The following LMBR1 variants were observed in gnomAD, a reference collection of about 807,000 sequenced individuals.
LMBR1 encodes the protein limb development membrane protein 1, also known as limb region 1 protein homolog.
In LMBR1, 52 loss-of-function variants were observed where a neutral mutation model predicts 73.9. The observed-to-expected ratio is 0.70, with a 90% confidence interval of 0.56 to 0.89. The LOEUF (loss-of-function observed/expected upper bound fraction) is 0.89, where lower values mean the gene tolerates loss of function less well. Ranked by LOEUF, LMBR1 falls within the 40% of genes least tolerant of loss-of-function variation. The probability of loss-of-function intolerance (pLI) is 0.00; values close to 1 mark genes in which losing one functional copy is unlikely to be tolerated. For missense variants in LMBR1, 539 were observed against 579.8 expected (o/e 0.93, Z 0.72); for synonymous variants, 215 against 209.4 (o/e 1.03, Z -0.23).
At chr7:156,845,728 C>A (rs1021265006) in intron 1 of LMBR1, among the ~76,000 whole-genome samples, 4 of 151,948 alleles carry the variant, frequency 2.6e-5, no homozygotes, top group Admixed American at 2.0e-4. Flanking sequence ...CAGTTTACTG[C>A]AGCCTTGAAC....
intron 5 of LMBR1, among the ~76,000 whole-genome samples, chr7:156,779,313 A>C (rs1219234780): frequency 6.6e-6 from 1 of 152,206 alleles, no homozygotes; most frequent in African/African-American, 2.4e-5. Context: ...ATTGCAGTAT[A>C]ATAAGCAGTC....
intron 1 of LMBR1, among the ~76,000 whole-genome samples, chr7:156,875,157 C>G (rs913696624): frequency 6.6e-6 from 1 of 152,148 alleles, no homozygotes; most frequent in African/African-American, 2.4e-5. Context: ...GCAAAATTTT[C>G]TGGAAAGTCT....
At chr7:156,844,998 AT>A (rs1839366283) in intron 1 of LMBR1, among the ~76,000 whole-genome samples, 1 of 152,224 alleles carries the variant, frequency 6.6e-6, no homozygotes, top group South Asian at 2.1e-4. Context: ...CCAGCCTTTC[AT>A]TTAAGGCCTA....
At chr7:156,806,584 G>GT (rs1340797641) in intron 4 of LMBR1, among the ~76,000 whole-genome samples, 33 of 125,924 alleles carry the variant, frequency 2.6e-4, no homozygotes, top group Non-Finnish European at 6.6e-5. Context: ...TTATCAGTAG[G>GT]TTTTTTGTAG....
chr7:156,748,816 C>T (rs1184350761), intron 9 of LMBR1, among the ~76,000 whole-genome samples: 1 of 152,018 alleles, frequency 6.6e-6, no homozygotes, highest in Non-Finnish European at 1.5e-5. Flanking sequence ...TAGAATAACT[C>T]TCTCTATATA....
rs1837725352 is a variant in LMBR1 at position 156,836,873 on chromosome 7, G to C, written c.79C>G (p.Leu27Val). The change falls in exon 2 of 17, where the codon CTT becomes GTT. Residue 27 changes from leucine (L) to valine (V), a missense_variant. Physicochemically the swap from Leu to Val is conservative, Grantham distance 32. This residue lies in a region of LMBR1 where 454 missense variants were observed against 473.4 expected (regional missense o/e 0.96). Coordinates refer to ENST00000353442, the MANE Select transcript of LMBR1 (RefSeq NM_022458.4). ...QVRESTICFL[L>V]FAILYVVSYF... ...GAAACAACGTAGAGAATGGCAAAAA[G>C]AAGGAAACATATCTGAAACAAAACG... is the stretch of plus-strand genomic sequence containing the variant. 1.3e-6 allele frequency: 2 copies of C among 1,574,578 alleles called. No homozygotes were observed. The highest frequency in any genetic ancestry group is 2.3e-5 in the East Asian group (1 of 43,700).
chr7:156,782,416 C>T (rs983064127), intron 5 of LMBR1, among the ~76,000 whole-genome samples: 2 of 152,150 alleles, frequency 1.3e-5, no homozygotes, highest in Admixed American at 6.5e-5. Context: ...CCAGCTCTTC[C>T]GTTTTACCTT....
At chr7:156,688,220 A>T (rs1228515652) in intron 15 of LMBR1, 29 bp from the exon 16 acceptor site, 3 of 1,524,396 alleles carry the variant, frequency 2.0e-6, no homozygotes, top group South Asian at 1.2e-5. Context: ...ATAGCCCTTA[A>T]TGAAATCAGG....
chr7:156,893,125 G>C lies in LMBR1; in HGVS notation c.-132C>G. 2 of 879,896 alleles carry C rather than the reference G, an allele frequency of 2.3e-6. No individual in the cohort carries two copies. Among genetic ancestry groups the C allele is most frequent in the Non-Finnish European group, 3.1e-6 (2 of 654,084 alleles). 54.5% of individuals were successfully genotyped at this position (879,896 alleles called of 1,614,324 possible). A position where few individuals can be genotyped will look rare whatever the true frequency, so the allele number is the denominator to read the frequency against. ...CGGGCCCGCGAGCCGTGTTGGAACA[G>C]GTACCGCGACCACGACACCGGCCGT... is the stretch of plus-strand genomic sequence containing the variant. On this transcript the variant is annotated 5_prime_UTR_variant, in exon 1 of 17. Coordinates refer to ENST00000353442, the MANE Select transcript of LMBR1 (RefSeq NM_022458.4).
At chr7:156,786,399 T>A (rs1051580518) in intron 5 of LMBR1, among the ~76,000 whole-genome samples, 1 of 152,094 alleles carries the variant, frequency 6.6e-6, no homozygotes. Context: ...TAAGAAATCA[T>A]AGGTAAGGGT....
chr7:156,858,663 C>T (rs1219191053), intron 1 of LMBR1, among the ~76,000 whole-genome samples: 2 of 152,006 alleles, frequency 1.3e-5, no homozygotes, highest in Non-Finnish European at 2.9e-5. Flanking sequence ...AGTTCCTCAA[C>T]AAAATATCAG....
chr7:156,780,581 T>G (rs1826957935), intron 5 of LMBR1, among the ~76,000 whole-genome samples: 1 of 152,238 alleles, frequency 6.6e-6, no homozygotes, highest in South Asian at 2.1e-4. Context: ...TAAGGCTCTT[T>G]TCTTCTATTT....
chr7:156,850,446 C>T (rs1796080458), intron 1 of LMBR1, among the ~76,000 whole-genome samples: 2 of 152,200 alleles, frequency 1.3e-5, no homozygotes, highest in South Asian at 4.1e-4. Flanking sequence ...CTATATTCCT[C>T]CCACCCTGCT....
Position 156,845,119 on chromosome 7 carries a change from G to C in LMBR1, c.67-8234C>G, listed in dbSNP as rs141756352. On this transcript the variant is annotated intron_variant, in intron 1 of 16. Coordinates refer to ENST00000353442, the MANE Select transcript of LMBR1 (RefSeq NM_022458.4). Reference sequence around the variant, plus strand: ...CACATTTCTAACAAAACCCATGATGGATATACCAATTGCCCTGATTATTTG... The same window carrying C: ...CACATTTCTAACAAAACCCATGATGCATATACCAATTGCCCTGATTATTTG... Among the ~76,000 whole-genome samples, 354 of 152,126 alleles carry C rather than the reference G, an allele frequency of 2.3e-3. 1 individual carries two copies. Among genetic ancestry groups the C allele is most frequent in the Non-Finnish European group, 3.8e-3 (257 of 68,010 alleles).
intron 1 of LMBR1, among the ~76,000 whole-genome samples, chr7:156,876,192 T>C (rs983169740): frequency 1.3e-5 from 2 of 152,092 alleles, no homozygotes; most frequent in African/African-American, 4.8e-5. Context: ...CAAAACAGAC[T>C]TCAAAGCAAG....
At chr7:156,814,492 G>C (rs1423467116) in intron 4 of LMBR1, among the ~76,000 whole-genome samples, 1 of 152,076 alleles carries the variant, frequency 6.6e-6, no homozygotes, top group Non-Finnish European at 1.5e-5. Context: ...TAAAACACCA[G>C]GACATCTTTC....
rs1465061322 is a variant in LMBR1, at chr7:156,683,996, G to A, written c.*82C>T. 16 of 1,159,834 alleles carry A rather than the reference G, an allele frequency of 1.4e-5. No homozygotes were observed. The highest frequency in any genetic ancestry group is 1.9e-5 in the Non-Finnish European group (15 of 782,022). The allele number at this position is 1,159,834 out of a possible 1,614,324, so 71.8% of individuals were successfully genotyped here. On this transcript the variant is annotated 3_prime_UTR_variant, in exon 17 of 17. Coordinates refer to ENST00000353442, the MANE Select transcript of LMBR1 (RefSeq NM_022458.4). ...TCTGAAGAGGGGCCACGGTTGAATG[G>A]AAATGCTTCTACATGGGACAGGAAT...
chr7:156,811,301 T>C (rs987963007), intron 4 of LMBR1, among the ~76,000 whole-genome samples: 9 of 152,230 alleles, frequency 5.9e-5, no homozygotes, highest in Admixed American at 1.3e-4. Context: ...TTCTGGAACA[T>C]ATGGAATAGT....
At chr7:156,808,268 T>C (rs540406880) in intron 4 of LMBR1, among the ~76,000 whole-genome samples, 22 of 152,318 alleles carry the variant, frequency 1.4e-4, no homozygotes, top group African/African-American at 4.8e-4. Flanking sequence ...ATGTACTTAA[T>C]ATATGTCATT....
Sources: gnomAD v4.1 joint callset for allele counts (sites outside exome capture counted in the v4.1 genomes callset) on GRCh38, gnomAD v4.1.1 for gene constraint, gnomAD v4.1.1 regional missense constraint, MANE v1.5 for transcripts, NCBI Gene and HGNC (gene_info 2026-07-23, HGNC 2026-07-21) for gene names.